GOLPH3: variants seen among roughly 807,000 people sequenced by gnomAD.
GOLPH3 encodes the protein coat protein GPP34.
Under a neutral mutation model 28.5 loss-of-function variants are expected in GOLPH3, and 14 were observed. The ratio of observed to expected loss-of-function variants is 0.49; its 90% CI spans 0.32 to 0.77. The LOEUF (loss-of-function observed/expected upper bound fraction) is 0.77. GOLPH3 is among the 30% of genes least tolerant of loss of function. The pLI, the probability that GOLPH3 is intolerant of heterozygous loss-of-function variation, is 0.03. For missense variants in GOLPH3, 350 were observed against 393.7 expected, an observed-to-expected ratio of 0.89 and a Z score of 0.94; for synonymous variants, 158 against 159.2, an observed-to-expected ratio of 0.99 and a Z score of 0.06.
chr5:32,126,411 T>C lies in GOLPH3; in HGVS notation c.698A>G (p.Asp233Gly). 1 of 1,614,156 alleles carries C rather than the reference T, an allele frequency of 6.2e-7. No individual in the cohort carries two copies. Among genetic ancestry groups the C allele is most frequent in the South Asian group, 1.1e-5 (1 of 91,080 alleles). ...DKWVNDPHRM[D>G]RRLLALIYLA... is the part of the protein sequence containing the mutation. ...GTAAATGAGGGCCAGCAAGCGCCTG[T>C]CCATGCGGTGAGGGTCATTCACCCA... Residue 233 changes from aspartate (D) to glycine (G), a missense_variant, in exon 4 of 4, where the codon GAC (aspartate) becomes GGC (glycine). Coordinates refer to ENST00000265070, the MANE Select transcript of GOLPH3 (RefSeq NM_022130.4).
intron 1 of GOLPH3, among the ~76,000 whole-genome samples, chr5:32,167,052 T>TC (rs1274762333): frequency 6.6e-6 from 1 of 152,250 alleles, no homozygotes; most frequent in African/African-American, 2.4e-5. Flanking sequence ...GCCTGATGCC[T>TC]CCAGGGTATT....
chr5:32,150,960 T>C (rs1028273801), intron 1 of GOLPH3, among the ~76,000 whole-genome samples: 12 of 152,194 alleles, frequency 7.9e-5, no homozygotes, highest in Admixed American at 3.3e-4. Flanking sequence ...TTCCTTATTA[T>C]ACATCAATAT....
chr5:32,161,169 G>A (rs1389664020), intron 1 of GOLPH3, among the ~76,000 whole-genome samples: 7 of 150,476 alleles, frequency 4.7e-5, no homozygotes, highest in South Asian at 4.2e-4. Context: ...TTGGGAGGAC[G>A]AGGAGGGAGG....
chr5:32,157,835 G>A (rs912464070), intron 1 of GOLPH3, among the ~76,000 whole-genome samples: 12 of 151,850 alleles, frequency 7.9e-5, no homozygotes, highest in African/African-American at 2.9e-4. Flanking sequence ...AAATTAGCCG[G>A]GCATGGTGGT....
intron 1 of GOLPH3, among the ~76,000 whole-genome samples, chr5:32,148,139 G>C (rs1163077479): frequency 1.3e-5 from 2 of 152,180 alleles, no homozygotes; most frequent in African/African-American, 4.8e-5. Flanking sequence ...ATCTGGGGAA[G>C]ACAGCTTAGC....
intron 2 of GOLPH3, among the ~76,000 whole-genome samples, chr5:32,139,753 C>A (rs1178164985): frequency 6.6e-6 from 1 of 152,076 alleles, no homozygotes; most frequent in African/African-American, 2.4e-5. Flanking sequence ...TGAAAGAAAG[C>A]TTCCAACACA....
At chr5:32,161,572 T>C (rs966744778) in intron 1 of GOLPH3, among the ~76,000 whole-genome samples, 3 of 151,344 alleles carry the variant, frequency 2.0e-5, no homozygotes, top group Non-Finnish European at 1.5e-5. Flanking sequence ...GTGCACCAAC[T>C]ATCAGGCACT....
At chr5:32,137,895 T>C (rs898281253) in intron 2 of GOLPH3, among the ~76,000 whole-genome samples, 2 of 124,156 alleles carry the variant, frequency 1.6e-5, no homozygotes, top group East Asian at 4.9e-4. Flanking sequence ...AAATTTAACA[T>C]TACGGTTTTT....
rs990392825 is a variant in GOLPH3 at position 32,126,195 on chromosome 5, G to T, written c.*17C>A. On this transcript the variant is annotated 3_prime_UTR_variant, in exon 4 of 4. Coordinates refer to ENST00000265070, the MANE Select transcript of GOLPH3 (RefSeq NM_022130.4). ...GGTTTACTTGAGAGAAAGGAGAATG[G>T]TTCACCCCGAGCAGAGTTACTTGGT... The T allele has an allele frequency of 1.3e-6, 2 of 1,597,700 alleles. No homozygotes were observed. The highest frequency in any genetic ancestry group is 1.7e-6 in the Non-Finnish European group (2 of 1,169,068).
intron 1 of GOLPH3, among the ~76,000 whole-genome samples, chr5:32,155,642 T>C (rs943889455): frequency 6.6e-6 from 1 of 152,072 alleles, no homozygotes; most frequent in Non-Finnish European, 1.5e-5. Context: ...GACTACATGT[T>C]TGTGTCCCCC....
chr5:32,143,320 C>T (rs1057274126), intron 2 of GOLPH3, among the ~76,000 whole-genome samples: 2 of 151,546 alleles, frequency 1.3e-5, no homozygotes, highest in Non-Finnish European at 3.0e-5. Context: ...CTGCGGAAGG[C>T]CGCAGGGTCC....
chr5:32,137,928 G>C (rs1376588297), intron 2 of GOLPH3, among the ~76,000 whole-genome samples: 1 of 143,090 alleles, frequency 7.0e-6, no homozygotes, highest in Non-Finnish European at 1.5e-5. Context: ...TTTTGAGATG[G>C]AGTCTCACTC....
chr5:32,174,154 G>C lies in GOLPH3; in HGVS notation c.-120C>G. 1.6e-6 allele frequency: 1 copy of C among 607,828 alleles called. No homozygotes were observed. The highest frequency in any genetic ancestry group is 2.4e-6 in the Non-Finnish European group (1 of 421,326). The allele number at this position is 607,828 out of a possible 1,614,324, so 37.7% of individuals were successfully genotyped here. ...TGTTAAATCCGGACGCCGGGGCGAC[G>C]TCCGTCGGCAGCAGGGCCGGGGGCA... On this transcript the variant is annotated 5_prime_UTR_variant, in exon 1 of 4. Transcript: ENST00000265070.
intron 1 of GOLPH3, among the ~76,000 whole-genome samples, chr5:32,170,156 G>C (rs1264163039): frequency 6.6e-6 from 1 of 152,094 alleles, no homozygotes. Context: ...AAGACAATAA[G>C]AACAAAGGAC....
intron 1 of GOLPH3, among the ~76,000 whole-genome samples, chr5:32,168,509 A>G (rs2111898965): frequency 6.6e-6 from 1 of 152,328 alleles, no homozygotes; most frequent in Non-Finnish European, 1.5e-5. Context: ...AAGCATTAGA[A>G]ACATTAGTAA....
At chr5:32,170,140 A>G (rs1042944042) in intron 1 of GOLPH3, among the ~76,000 whole-genome samples, 2 of 152,210 alleles carry the variant, frequency 1.3e-5, no homozygotes, top group African/African-American at 4.8e-5. Flanking sequence ...TTAAAAATAA[A>G]TTGGTAAGAC....
At chr5:32,146,446 C>CTCCA (rs1489550464) in intron 1 of GOLPH3, among the ~76,000 whole-genome samples, 1 of 152,122 alleles carries the variant, frequency 6.6e-6, no homozygotes, top group African/African-American at 2.4e-5. Context: ...ACTACCAGAC[C>CTCCA]TCCATCTGCC....
intron 1 of GOLPH3, among the ~76,000 whole-genome samples, chr5:32,148,108 G>A (rs939674011): frequency 6.6e-6 from 1 of 152,136 alleles, no homozygotes; most frequent in Non-Finnish European, 1.5e-5. Flanking sequence ...GCAGCAAGCT[G>A]GACAATGTCC....
Position 32,161,920 on chromosome 5 carries a change from G to A in GOLPH3, c.225+11890C>T, listed in dbSNP as rs907633015. ...CGGGCGCCTGTAGTCCTAGCTACTC[G>A]GGAGGCTGAGGCAGGAGAATGGCGT... On this transcript the variant is annotated intron_variant, in intron 1 of 3. Coordinates refer to ENST00000265070, the MANE Select transcript of GOLPH3 (RefSeq NM_022130.4). 5.3e-5 allele frequency among the ~76,000 whole-genome samples: 8 copies of A among 150,710 alleles called. 1 individual carries two copies. Among genetic ancestry groups the A allele is most frequent in the African/African-American group, 9.9e-5 (4 of 40,382 alleles).
Sources: gnomAD v4.1 joint callset for allele counts (sites outside exome capture counted in the v4.1 genomes callset) on GRCh38, gnomAD v4.1.1 for gene constraint, MANE v1.5 for transcripts, NCBI Gene and HGNC (gene_info 2026-07-23, HGNC 2026-07-21) for gene names.